The following CDH13 variants were observed in gnomAD, a reference collection of about 807,000 sequenced individuals.
CDH13 encodes the protein cadherin-13.
Under a neutral mutation model 63.8 loss-of-function variants are expected in CDH13, and 24 were observed. That is an observed-to-expected ratio of 0.38 (90% CI 0.27 to 0.53). The LOEUF is 0.53. Among genes scored for constraint, CDH13 ranks in the 20% least tolerant of loss-of-function variants. CDH13 has a pLI of 0.85. For missense variants in CDH13, 1,049 were observed against 903.1 expected, an observed-to-expected ratio of 1.16 and a Z score of -2.07; for synonymous variants, 503 against 355.3, an observed-to-expected ratio of 1.42 and a Z score of -4.67.
At chr16:82,794,162 C>CA (rs767546225) in intron 1 of CDH13, among the ~76,000 whole-genome samples, 93 of 151,124 alleles carry the variant, frequency 6.2e-4, no homozygotes, top group Non-Finnish European at 1.0e-3. Flanking sequence ...AATTTTTTTG[C>CA]AATTTTTTTT....
intron 1 of CDH13, among the ~76,000 whole-genome samples, chr16:82,647,344 G>A (rs940168022): frequency 6.6e-6 from 1 of 152,214 alleles, no homozygotes; most frequent in African/African-American, 2.4e-5. Flanking sequence ...GGCTGTAAGT[G>A]TCACAGTCTC....
At chr16:83,213,916 T>TA (rs993109963) in intron 4 of CDH13, among the ~76,000 whole-genome samples, 3 of 152,048 alleles carry the variant, frequency 2.0e-5, no homozygotes, top group African/African-American at 7.2e-5. Context: ...CAGTGCTCTG[T>TA]AAAAACGCAC....
At chr16:82,895,721 C>T (rs1048812208) in intron 2 of CDH13, among the ~76,000 whole-genome samples, 8 of 149,604 alleles carry the variant, frequency 5.3e-5, no homozygotes, top group African/African-American at 2.0e-4. Flanking sequence ...GTGTTTTCTG[C>T]TTGGTTTTGT....
intron 10 of CDH13, among the ~76,000 whole-genome samples, chr16:83,743,701 GATC>G: frequency 7.1e-6 from 1 of 140,144 alleles, no homozygotes; most frequent in East Asian, 2.2e-4. Flanking sequence ...ATCACTCCTG[GATC>G]AACAGGAAAC....
At chr16:83,719,167 C>T (rs1369491732) in intron 10 of CDH13, among the ~76,000 whole-genome samples, 2 of 152,172 alleles carry the variant, frequency 1.3e-5, no homozygotes, top group Non-Finnish European at 2.9e-5. Flanking sequence ...GTCCAGTAGC[C>T]AAGTAGAATT....
intron 3 of CDH13, among the ~76,000 whole-genome samples, chr16:83,107,249 T>G (rs1376216458): frequency 1.3e-5 from 2 of 152,298 alleles, no homozygotes; most frequent in South Asian, 2.1e-4. Context: ...ATTTCCAACC[T>G]TCTGGCCAGA....
At chr16:82,674,892 T>G (rs1206006049) in intron 1 of CDH13, among the ~76,000 whole-genome samples, 1 of 152,176 alleles carries the variant, frequency 6.6e-6, no homozygotes, top group Non-Finnish European at 1.5e-5. Context: ...ATAATTGCAT[T>G]GTCTCTGGAT....
At chr16:83,016,537 G>A (rs1914814933) in intron 2 of CDH13, among the ~76,000 whole-genome samples, 1 of 152,136 alleles carries the variant, frequency 6.6e-6, no homozygotes, top group Non-Finnish European at 1.5e-5. Context: ...AATTTTCAAG[G>A]TGTGGAAGCT....
At chr16:82,731,696 G>GA (rs1194603542) in intron 1 of CDH13, among the ~76,000 whole-genome samples, 1 of 152,106 alleles carries the variant, frequency 6.6e-6, no homozygotes, top group East Asian at 1.9e-4. Context: ...TAAGAGTTTG[G>GA]AAAAAAATCA....
chr16:82,768,822 C>T (rs200315686), intron 1 of CDH13, among the ~76,000 whole-genome samples: 2 of 152,334 alleles, frequency 1.3e-5, no homozygotes, highest in East Asian at 3.9e-4. Context: ...TACTCTGATT[C>T]AGCCTAGCAA....
intron 6 of CDH13, among the ~76,000 whole-genome samples, chr16:83,354,017 A>T (rs190925104): frequency 1.1e-4 from 17 of 152,378 alleles, no homozygotes; most frequent in East Asian, 9.6e-4. Flanking sequence ...CTTAATTAAA[A>T]TAATAGTTTA....
At position 83,800,072 on chromosome 16, in the gene CDH13, C is replaced by G. The variant is rs186939295; in HGVS notation, c.*5042C>G. ...CATCACATCTATCGTTGGAGGGTTG[C>G]TGAGCTTGATACGCCTTTGAACCAT... On this transcript the variant is annotated 3_prime_UTR_variant, in exon 14 of 14. Transcript: ENST00000567109. 3.3e-5 allele frequency: 5 copies of G among 152,316 alleles called. No homozygotes were observed. The highest frequency in any genetic ancestry group is 6.5e-5 in the Admixed American group (1 of 15,302). The allele number at this position is 152,316 out of a possible 1,614,324, so 9.4% of individuals were successfully genotyped here.
At chr16:83,528,322 A>G (rs2075007789) in intron 7 of CDH13, among the ~76,000 whole-genome samples, 1 of 152,356 alleles carries the variant, frequency 6.6e-6, no homozygotes, top group East Asian at 1.9e-4. Context: ...GTATTTAGAG[A>G]GATTTTAAAC....
At chr16:83,297,654 A>G (rs1040122431) in intron 5 of CDH13, among the ~76,000 whole-genome samples, 1 of 152,158 alleles carries the variant, frequency 6.6e-6, no homozygotes, top group African/African-American at 2.4e-5. Flanking sequence ...ATATATGGAA[A>G]CTGACAAAGA....
chr16:82,764,815 C>CTTTTTTTT (rs567333858), intron 1 of CDH13, among the ~76,000 whole-genome samples: 1 of 135,282 alleles, frequency 7.4e-6, no homozygotes. Flanking sequence ...TTCATTCATT[C>CTTTTTTTT]TTTTTTTTTT....
intron 6 of CDH13, among the ~76,000 whole-genome samples, chr16:83,349,826 C>G (rs1354455872): frequency 2.0e-5 from 3 of 152,092 alleles, no homozygotes; most frequent in Non-Finnish European, 4.4e-5. Context: ...GTCTTGAACT[C>G]CTGACCTCAG....
chr16:82,729,432 A>G (rs147501485), intron 1 of CDH13, among the ~76,000 whole-genome samples: 5 of 152,242 alleles, frequency 3.3e-5, no homozygotes, highest in Admixed American at 6.5e-5. Context: ...GTACATCTCT[A>G]TTAGAGCTCT....
intron 11 of CDH13, among the ~76,000 whole-genome samples, chr16:83,763,180 G>A (rs900754546): frequency 6.6e-6 from 1 of 152,150 alleles, no homozygotes; most frequent in African/African-American, 2.4e-5. Context: ...AAGTATGTTT[G>A]AGCCTGCCAG....
At chr16:83,487,138 CT>C (rs2073907985) in intron 7 of CDH13, among the ~76,000 whole-genome samples, 1 of 152,190 alleles carries the variant, frequency 6.6e-6, no homozygotes, top group Non-Finnish European at 1.5e-5. Flanking sequence ...TCCTCCATCT[CT>C]GTTCTCATCC....
Sources: gnomAD v4.1 joint callset for allele counts (sites outside exome capture counted in the v4.1 genomes callset) on GRCh38, gnomAD v4.1.1 for gene constraint, MANE v1.5 for transcripts, NCBI Gene and HGNC (gene_info 2026-07-23, HGNC 2026-07-21) for gene names.